The following ACSBG1 variants were observed in gnomAD, a reference collection of about 807,000 sequenced individuals.
ACSBG1 encodes the protein acyl-CoA synthetase bubblegum family member 1, also known as long-chain-fatty-acid--CoA ligase ACSBG1.
Under a neutral mutation model 80.2 loss-of-function variants are expected in ACSBG1, and 39 were observed. The observed-to-expected ratio is 0.49, with a 90% confidence interval of 0.38 to 0.64. ACSBG1 has a LOEUF of 0.64. Ranked by LOEUF, ACSBG1 falls within the 30% of genes least tolerant of loss-of-function variation. The pLI, the probability that ACSBG1 is intolerant of heterozygous loss-of-function variation, is 0.00. For synonymous variants in ACSBG1, 392 were observed against 379.5 expected (o/e 1.03, Z -0.38); for missense variants, 828 against 966.4 (o/e 0.86, Z 1.90).
intron 2 of ACSBG1, among the ~76,000 whole-genome samples, chr15:78,195,249 T>A (rs1356231700): frequency 6.6e-6 from 1 of 152,154 alleles, no homozygotes; most frequent in Non-Finnish European, 1.5e-5. Flanking sequence ...AACAACAGTC[T>A]TTGCTCATTC....
Position 78,201,694 on chromosome 15 carries a change from T to C in ACSBG1, c.232+6308A>G, listed in dbSNP as rs367981895. ...ACCCGTGGGCTCTGCTCACACCGTG[T>C]CCTCTGCCAATCTCCCTCTCTATAG... On this transcript the variant is annotated intron_variant, in intron 2 of 13. Transcript: ENST00000258873. Among the ~76,000 whole-genome samples, 53 of 152,346 alleles carry C rather than the reference T, an allele frequency of 3.5e-4. 1 individual carries two copies. In the East Asian group the frequency reaches 0.01, roughly 29 times the overall value.
chr15:78,232,462 C>T (rs2075453810), intron 1 of ACSBG1, among the ~76,000 whole-genome samples: 1 of 152,226 alleles, frequency 6.6e-6, no homozygotes, highest in African/African-American at 2.4e-5. Flanking sequence ...CAAGCCCAGT[C>T]CTCTGTGAGC....
At chr15:78,193,828 T>G in intron 4 of ACSBG1, 104 bp downstream of exon 4, 1 of 1,466,788 alleles carries the variant, frequency 6.8e-7, no homozygotes, top group Non-Finnish European at 9.3e-7. Flanking sequence ...GGAGGCAGGA[T>G]GGTGGGGAGT....
chr15:78,217,042 G>C (rs1450488963), intron 1 of ACSBG1, among the ~76,000 whole-genome samples: 3 of 152,180 alleles, frequency 2.0e-5, no homozygotes, highest in Non-Finnish European at 2.9e-5. Context: ...CACAGATAAA[G>C]GGCCTTCTCA....
At chr15:78,215,162 A>G (rs1292645745) in intron 1 of ACSBG1, among the ~76,000 whole-genome samples, 1 of 151,964 alleles carries the variant, frequency 6.6e-6, no homozygotes, top group Non-Finnish European at 1.5e-5. Context: ...AGGAATTCAG[A>G]CCTCTCCTTT....
intron 2 of ACSBG1, among the ~76,000 whole-genome samples, chr15:78,207,482 C>CA (rs1212148302): frequency 1.3e-5 from 2 of 152,114 alleles, no homozygotes; most frequent in East Asian, 3.9e-4. Context: ...GATGACTCTT[C>CA]AGAGTCAGAG....
Position 78,207,992 on chromosome 15 carries a change from G to T in ACSBG1, c.232+10C>A. The stretch of plus-strand genomic sequence containing the variant: ...GCCCTGCCCCACCCTACCACCCCCA[G>T]CTGGCTTACCTGGAGCATCCCACTG... On this transcript the variant is annotated intron_variant, in intron 2 of 13. Coordinates refer to ENST00000258873, the MANE Select transcript of ACSBG1 (RefSeq NM_015162.5). The T allele has an allele frequency of 2.1e-6, 2 of 940,402 alleles. No individual in the cohort carries two copies. The highest frequency in any genetic ancestry group is 3.1e-6 in the Non-Finnish European group (2 of 639,704). 58.3% of individuals were successfully genotyped at this position (940,402 alleles called of 1,614,324 possible).
chr15:78,168,612 G>T lies in ACSBG1; in HGVS notation c.*2832C>A. 9.4e-6 allele frequency: 2 copies of T among 213,672 alleles called. No individual in the cohort carries two copies. The highest frequency in any genetic ancestry group is 5.9e-5 in the Admixed American group (1 of 17,078). The allele number at this position is 213,672 out of a possible 1,614,324, so 13.2% of individuals were successfully genotyped here. A position where few individuals can be genotyped will look rare whatever the true frequency, so the allele number is the denominator to read the frequency against. The stretch of plus-strand genomic sequence containing the variant: ...GATTCGCTTTTATTTAAATATCCAT[G>T]ACCAACTAATCTGGGTTAGGGTCTA... On this transcript the variant is annotated 3_prime_UTR_variant, in exon 14 of 14. Coordinates refer to ENST00000258873, the MANE Select transcript of ACSBG1 (RefSeq NM_015162.5).
chr15:78,203,646 A>G (rs2075188051), intron 2 of ACSBG1, among the ~76,000 whole-genome samples: 1 of 152,218 alleles, frequency 6.6e-6, no homozygotes, highest in African/African-American at 2.4e-5. Flanking sequence ...GTTCTGGAAT[A>G]AAGGCGTCTA....
intron 1 of ACSBG1, among the ~76,000 whole-genome samples, chr15:78,225,631 G>A (rs1451643403): frequency 1.3e-5 from 2 of 151,778 alleles, no homozygotes; most frequent in Non-Finnish European, 2.9e-5. Flanking sequence ...TTGAAATATA[G>A]AGTCAATTTA....
At chr15:78,216,380 G>C (rs2075311947) in intron 1 of ACSBG1, among the ~76,000 whole-genome samples, 1 of 152,198 alleles carries the variant, frequency 6.6e-6, no homozygotes, top group Non-Finnish European at 1.5e-5. Flanking sequence ...AAGGAAGAAA[G>C]CTGGCAAGGA....
At chr15:78,192,598 C>T (rs757012312) in intron 5 of ACSBG1, among the ~76,000 whole-genome samples, 5 of 152,204 alleles carry the variant, frequency 3.3e-5, no homozygotes, top group Non-Finnish European at 7.3e-5. Flanking sequence ...AGGATTCTGG[C>T]GCTGCCCTGC....
At chr15:78,206,813 G>C (rs929339248) in intron 2 of ACSBG1, among the ~76,000 whole-genome samples, 3 of 152,256 alleles carry the variant, frequency 2.0e-5, no homozygotes, top group South Asian at 4.1e-4. Flanking sequence ...TGGGGATTAT[G>C]TGTTTCTCCC....
At chr15:78,171,693 C>T in intron 13 of ACSBG1, 164 bp from the exon 14 acceptor site, 1 of 590,548 alleles carries the variant, frequency 1.7e-6, no homozygotes, top group East Asian at 3.0e-5. Flanking sequence ...TCCTGGTATT[C>T]ATATGGCTTG....
intron 1 of ACSBG1, 23 bp downstream of exon 1, chr15:78,234,348 C>G: frequency 6.2e-7 from 1 of 1,605,796 alleles, no homozygotes; most frequent in Non-Finnish European, 8.5e-7. Context: ...GTGCAGTGTG[C>G]AGAAACCCAA....
Position 78,182,149 on chromosome 15 carries a change from G to C in ACSBG1, c.895-4C>G. 6.2e-7 allele frequency: 1 copy of C among 1,606,774 alleles called. No individual in the cohort carries two copies. The highest frequency in any genetic ancestry group is 8.5e-7 in the Non-Finnish European group (1 of 1,179,590). ...CGTACCGTGCCGTCCACGTGATCTG[G>C]AGGACAAGTAGATGGATCCCAGCAG... On this transcript the variant is annotated splice_region_variant and splice_polypyrimidine_tract_variant and intron_variant, in intron 7 of 13. Transcript: ENST00000258873.
intron 1 of ACSBG1, among the ~76,000 whole-genome samples, chr15:78,229,844 G>C (rs2075432069): frequency 6.6e-6 from 1 of 152,100 alleles, no homozygotes; most frequent in African/African-American, 2.4e-5. Context: ...CTCCTTCTTT[G>C]AGCCTGGCTG....
At chr15:78,205,108 T>C (rs756866402) in intron 2 of ACSBG1, among the ~76,000 whole-genome samples, 1 of 152,116 alleles carries the variant, frequency 6.6e-6, no homozygotes, top group East Asian at 1.9e-4. Context: ...GTCTCGATGC[T>C]GCCCTTCTCC....
intron 1 of ACSBG1, among the ~76,000 whole-genome samples, chr15:78,223,228 A>G (rs2075372673): frequency 6.6e-6 from 1 of 150,460 alleles, no homozygotes. Flanking sequence ...GCCACACAGA[A>G]ATAGAGGCGC....
Sources: gnomAD v4.1 joint callset for allele counts (sites outside exome capture counted in the v4.1 genomes callset) on GRCh38, gnomAD v4.1.1 for gene constraint, MANE v1.5 for transcripts, NCBI Gene and HGNC (gene_info 2026-07-23, HGNC 2026-07-21) for gene names.